Variants in PLXNA4 observed in about 807,000 individuals in gnomAD.
The protein encoded by PLXNA4 is plexin A4.
In PLXNA4, 44 loss-of-function variants were observed where a neutral mutation model predicts 191.8. The observed-to-expected ratio is 0.23, with a 90% confidence interval of 0.18 to 0.29. The LOEUF is 0.29. PLXNA4 is among the 10% of genes least tolerant of loss of function. PLXNA4 has a pLI of 1.00. For missense variants in PLXNA4, 1,800 were observed against 2,488.8 expected, an observed-to-expected ratio of 0.72 and a Z score of 5.89; for synonymous variants, 1,082 against 1,009.5, an observed-to-expected ratio of 1.07 and a Z score of -1.36.
Position 132,156,084 on chromosome 7 carries a change from C to T in PLXNA4, c.4660+3389G>A, listed in dbSNP as rs146025851. Among the ~76,000 whole-genome samples the T allele has an allele frequency of 2.7e-3, 405 of 147,712 alleles. 5 individuals carry two copies. The highest frequency in any genetic ancestry group is 9.6e-3 in the African/African-American group (387 of 40,450). On this transcript the variant is annotated intron_variant, in intron 25 of 31. Transcript: ENST00000321063. ...TTTTCGACTTGCCAGCCTCCATAAT[C>T]GTATGACCACTTCTTTAAAATGAAT... is the stretch of plus-strand genomic sequence containing the variant.
intron 5 of PLXNA4, among the ~76,000 whole-genome samples, chr7:132,230,208 AG>A (rs1206454654): frequency 6.6e-6 from 1 of 152,176 alleles, no homozygotes; most frequent in Non-Finnish European, 1.5e-5. Context: ...CCACCTTGTC[AG>A]GATGTGTTGG....
At chr7:132,635,170 T>TTATTTATATATATATATATA (rs1470708373) in intron 2 of PLXNA4, among the ~76,000 whole-genome samples, 24 of 131,816 alleles carry the variant, frequency 1.8e-4, no homozygotes, top group Middle Eastern at 4.0e-3. Context: ...AAACTCCCCT[T>TTATTTATATATATATATATA]TATATATATA....
chr7:132,648,119 A>C (rs747182157), intron 1 of PLXNA4, among the ~76,000 whole-genome samples: 53 of 152,142 alleles, frequency 3.5e-4, no homozygotes, highest in Non-Finnish European at 7.2e-4. Flanking sequence ...ACACATATGC[A>C]CTCACACATA....
In PLXNA4 at chr7:132,632,308, C is replaced by T. The variant is rs184901254; in HGVS notation, c.-87+13620G>A. On this transcript the variant is annotated intron_variant, in intron 2 of 4. Coordinates refer to the PLXNA4 transcript ENST00000378539. ...TTAGGTAGAATTTCTGAAATTAGAGCTCATGGTAGGCAAGAAAATGATATA... is the reference window on the plus strand; with the variant it reads ...TTAGGTAGAATTTCTGAAATTAGAGTTCATGGTAGGCAAGAAAATGATATA... Among the ~76,000 whole-genome samples the T allele has an allele frequency of 1.7e-3, 250 of 150,690 alleles. 1 individual carries two copies. The highest frequency in any genetic ancestry group is 5.7e-3 in the African/African-American group (234 of 40,992).
Position 132,179,761 on chromosome 7 carries a change from C to T in PLXNA4, c.3800G>A (p.Ser1267Asn). 6.2e-7 allele frequency: 1 copy of T among 1,614,174 alleles called. No homozygotes were observed. The highest frequency in any genetic ancestry group is 1.3e-5 in the African/African-American group (1 of 75,062). The change falls in exon 20 of 32, where the codon AGT becomes AAT. Residue 1267 changes from serine (S) to asparagine (N), a missense_variant. Physicochemically the swap from Ser to Asn is conservative, Grantham distance 46. Transcript: ENST00000321063. ...CTGCAGCCGCTTCAGCGTGAGGTCACTTTCGCGGGACTTGCGTTTATAGGC... is the reference window on the plus strand; with the variant it reads ...CTGCAGCCGCTTCAGCGTGAGGTCATTTTCGCGGGACTTGCGTTTATAGGC... ...LIAYKRKSRESDLTLKRLQMQ... is the reference protein window; with the variant it reads ...LIAYKRKSRENDLTLKRLQMQ...
At chr7:132,594,903 ATAGATAGG>A (rs1484810701) in intron 2 of PLXNA4, among the ~76,000 whole-genome samples, 4 of 136,242 alleles carry the variant, frequency 2.9e-5, no homozygotes, top group Admixed American at 1.6e-4. Flanking sequence ...TCAGACATAG[ATAGATAGG>A]TAGATAGATA....
intron 2 of PLXNA4, among the ~76,000 whole-genome samples, chr7:132,632,000 C>T (rs1484684114): frequency 6.6e-6 from 1 of 152,000 alleles, no homozygotes; most frequent in Non-Finnish European, 1.5e-5. Context: ...TTTGGGAGGC[C>T]AAGGCGGGTG....
intron 3 of PLXNA4, among the ~76,000 whole-genome samples, chr7:132,401,100 T>C (rs1346865435): frequency 2.0e-5 from 3 of 152,264 alleles, no homozygotes; most frequent in South Asian, 2.1e-4. Context: ...TGTGATAAAA[T>C]TGCACAAGAC....
At chr7:132,536,631 A>G (rs558740737) in intron 1 of PLXNA4, among the ~76,000 whole-genome samples, 2 of 152,370 alleles carry the variant, frequency 1.3e-5, no homozygotes, top group South Asian at 4.1e-4. Context: ...TTAGAAGGCC[A>G]GTCCTTGGGC....
chr7:132,623,508 C>G (rs1391183196), intron 2 of PLXNA4, among the ~76,000 whole-genome samples: 1 of 152,140 alleles, frequency 6.6e-6, no homozygotes, highest in African/African-American at 2.4e-5. Flanking sequence ...AAGGACTCAC[C>G]CATAAGTCAC....
In PLXNA4 at chr7:132,217,727, TAGAG is replaced by T. The variant is rs573071458; in HGVS notation, c.2097+5796_2097+5799del. 1.6e-3 allele frequency among the ~76,000 whole-genome samples: 249 copies of T among 152,090 alleles called. 2 individuals carry two copies. Among genetic ancestry groups the T allele is most frequent in the African/African-American group, 5.8e-3 (240 of 41,472 alleles). ...GTGTGATCTATGACAGGCTGGTTCA[TAGAG>T]AGAGCAAAGTAATAATATAAAAAGG... On this transcript the variant is annotated intron_variant, in intron 9 of 31. Coordinates refer to ENST00000321063, the MANE Select transcript of PLXNA4 (RefSeq NM_020911.2).
intron 21 of PLXNA4, among the ~76,000 whole-genome samples, chr7:132,169,489 C>A (rs1403769958): frequency 6.6e-6 from 1 of 152,190 alleles, no homozygotes; most frequent in Non-Finnish European, 1.5e-5. Flanking sequence ...GTGTATTCCA[C>A]CCAATGGATA....
chr7:132,401,000 G>T (rs1333103868), intron 3 of PLXNA4, among the ~76,000 whole-genome samples: 1 of 152,176 alleles, frequency 6.6e-6, no homozygotes, highest in Non-Finnish European at 1.5e-5. Context: ...GCCAGAAGAG[G>T]ACTCCAGCGA....
At chr7:132,631,792 T>C (rs1040924232) in intron 2 of PLXNA4, among the ~76,000 whole-genome samples, 1 of 152,198 alleles carries the variant, frequency 6.6e-6, no homozygotes, top group Non-Finnish European at 1.5e-5. Context: ...TGCTAGAAGC[T>C]ACATGCTTGG....
At chr7:132,564,612 C>T (rs1336022908) in intron 1 of PLXNA4, among the ~76,000 whole-genome samples, 1 of 152,224 alleles carries the variant, frequency 6.6e-6, no homozygotes, top group East Asian at 1.9e-4. Context: ...CATCTCCACA[C>T]AAATTCTCAC....
intron 3 of PLXNA4, among the ~76,000 whole-genome samples, chr7:132,369,582 C>T (rs143781388): frequency 6.8e-4 from 104 of 152,116 alleles, no homozygotes; most frequent in Middle Eastern, 6.8e-3. Flanking sequence ...GAGAGGGCAC[C>T]GACCATCTGT....
At chr7:132,380,274 G>T (rs10269993) in intron 3 of PLXNA4, among the ~76,000 whole-genome samples, 25,588 of 152,078 alleles carry the variant, frequency 0.17, 2,769 homozygotes, top group African/African-American at 0.28. Context: ...CATTGTGATC[G>T]TGTGCAAAGG....
chr7:132,149,629 C>CA (rs1795536535), intron 25 of PLXNA4, among the ~76,000 whole-genome samples: 1 of 152,210 alleles, frequency 6.6e-6, no homozygotes, highest in African/African-American at 2.4e-5. Flanking sequence ...GCCAAGAAGC[C>CA]AGACGTTTGG....
At chr7:132,462,963 C>T (rs551918584) in intron 3 of PLXNA4, among the ~76,000 whole-genome samples, 2 of 151,220 alleles carry the variant, frequency 1.3e-5, no homozygotes, top group Non-Finnish European at 1.5e-5. Flanking sequence ...GATTCTCCTG[C>T]CTCAGCCTCC....
Sources: gnomAD v4.1 joint callset for allele counts (sites outside exome capture counted in the v4.1 genomes callset) on GRCh38, gnomAD v4.1.1 for gene constraint, MANE v1.5 for transcripts, NCBI Gene and HGNC (gene_info 2026-07-23, HGNC 2026-07-21) for gene names.